The following WNK2 variants were observed in gnomAD, a reference collection of about 807,000 sequenced individuals.
The protein encoded by WNK2 is WNK lysine deficient protein kinase 2.
WNK2 carries 67 observed loss-of-function variants against 192.1 expected under a neutral mutation model. The observed-to-expected ratio is 0.35, with a 90% CI of 0.29 to 0.43. The LOEUF (loss-of-function observed/expected upper bound fraction) is 0.43. Among genes scored for constraint, WNK2 ranks in the 20% least tolerant of loss-of-function variants. WNK2 has a pLI of 1.00. For missense variants in WNK2, 2,698 were observed against 3,089.7 expected (o/e 0.87, Z 3.01); for synonymous variants, 1,439 against 1,393.9 (o/e 1.03, Z -0.72).
In WNK2 at chr9:93,267,862, C is replaced by T. The variant is rs369015814; in HGVS notation, c.3813C>T (p.Ser1271=). ...AGGACACAGACGCCGACCGTGGCTC[C>T]GACCCAGGGACCAGCCCGCCACACC... ...LSEDTDADRG[S]DPGTSPPHLS... The change falls in exon 17 of 30, where the codon TCC becomes TCT. Residue 1271 remains serine, a synonymous_variant. Transcript: ENST00000427277. 3.7e-5 allele frequency: 59 copies of T among 1,610,610 alleles called. No individual in the cohort carries two copies. In the African/African-American group the frequency reaches 6.1e-4, roughly 17 times the overall value.
chr9:93,231,507 C>T (rs1436986010), intron 4 of WNK2, among the ~76,000 whole-genome samples: 3 of 152,158 alleles, frequency 2.0e-5, no homozygotes, highest in Non-Finnish European at 4.4e-5. Flanking sequence ...ACTGTGGGCA[C>T]TCGGGAGAGG....
intron 29 of WNK2, chr9:93,318,073 G>T: frequency 6.2e-7 from 1 of 1,608,480 alleles, no homozygotes; most frequent in Non-Finnish European, 8.5e-7. Flanking sequence ...TCCTATACTT[G>T]AGTTGATGGT....
In WNK2 at chr9:93,252,965, C is replaced by T. The variant is rs556029303; in HGVS notation, c.1917C>T (p.Ser639=). The T allele has an allele frequency of 6.3e-7, 1 of 1,575,902 alleles. No individual in the cohort carries two copies. Among genetic ancestry groups the T allele is most frequent in the African/African-American group, 1.4e-5 (1 of 73,992 alleles). ...GCCAGCAGAGCGTGATGCTTGGCTCCCTTGCCGACGCAGCGCCGTCCCCGG... is the reference window on the plus strand; with the variant it reads ...GCCAGCAGAGCGTGATGCTTGGCTCTCTTGCCGACGCAGCGCCGTCCCCGG... ...QSSQQSVMLG[S]LADAAPSPAQ... The change falls in exon 9 of 30, where the codon TCC becomes TCT. Residue 639 remains serine (S), a synonymous_variant. Coordinates refer to ENST00000427277, the MANE Select transcript of WNK2 (RefSeq NM_006648.4).
At chr9:93,319,366 G>A in intron 29 of WNK2, 3 of 985,478 alleles carry the variant, frequency 3.0e-6, no homozygotes, top group Non-Finnish European at 3.6e-6. Context: ...GGGCTGGGCT[G>A]TCCCCGGCAG....
chr9:93,268,198 G>A (rs1329358529), intron 18 of WNK2, 133 bp downstream of exon 18: 3 of 1,235,644 alleles, frequency 2.4e-6, no homozygotes, highest in African/African-American at 1.5e-5. Context: ...CCCAGTCTGG[G>A]GACAGCTGCC....
At chr9:93,292,267 C>G (rs372198047) in intron 21 of WNK2, 41 bp from the exon 22 acceptor site, 124 of 1,607,738 alleles carry the variant, frequency 7.7e-5, no homozygotes, top group Non-Finnish European at 1.0e-4. Flanking sequence ...CTGCCTCTTC[C>G]TCCTCCTTCA....
intron 19 of WNK2, among the ~76,000 whole-genome samples, chr9:93,269,104 G>C (rs184900657): frequency 6.6e-6 from 1 of 152,028 alleles, no homozygotes; most frequent in Non-Finnish European, 1.5e-5. Flanking sequence ...CAGCAGACAC[G>C]CCTCTGCTGG....
intron 16 of WNK2, chr9:93,267,168 C>T (rs116689320): frequency 0.022 from 3,320 of 153,106 alleles, 117 homozygotes; most frequent in African/African-American, 0.076. Context: ...CATCAGGCCA[C>T]GCTTGCCTGT....
At chr9:93,266,091 C>T (rs1177773133) in intron 16 of WNK2, among the ~76,000 whole-genome samples, 1 of 152,220 alleles carries the variant, frequency 6.6e-6, no homozygotes, top group East Asian at 1.9e-4. Context: ...CCCAGCAGCC[C>T]TCCTCCTCAC....
At position 93,247,682 on chromosome 9, in the gene WNK2, C is replaced by G; in HGVS notation, c.1682C>G (p.Pro561Arg). 6.4e-7 allele frequency: 1 copy of G among 1,573,108 alleles called. No individual in the cohort carries two copies. The highest frequency in any genetic ancestry group is 8.6e-7 in the Non-Finnish European group (1 of 1,159,470). ...QPKEQQDVGS[P>R]DKARGPPVPL... ...AAGGAGCAGCAGGATGTGGGCAGCC[C>G]GGACAAGGCCAGGGGTCCGCCGGTG... Residue 561 changes from proline (P) to arginine (R), a missense_variant, in exon 8 of 30, where the codon CCG (proline) becomes CGG (arginine). Physicochemically the swap from Pro to Arg is moderately radical, Grantham distance 103. This residue lies in a region of WNK2 where 893 missense variants were observed against 909.0 expected (regional missense o/e 0.98). Transcript: ENST00000427277. The surrounding 1 kb of genome is among the most constrained non-coding windows in gnomAD (Gnocchi z 5.2).
chr9:93,253,037 G>C lies in WNK2; in HGVS notation c.1989G>C (p.Pro663=). 6.5e-7 allele frequency: 1 copy of C among 1,535,484 alleles called. No homozygotes were observed. The highest frequency in any genetic ancestry group is 8.8e-7 in the Non-Finnish European group (1 of 1,142,164). ...SPPVSEGPVL[P]QSLPSLGAYQ... Reference sequence around the variant, plus strand: ...CTGTGAGCGAGGGGCCCGTCCTGCCGCAGAGCCTGCCCTCGCTGGGGGCCT... The same window carrying C: ...CTGTGAGCGAGGGGCCCGTCCTGCCCCAGAGCCTGCCCTCGCTGGGGGCCT... The change falls in exon 9 of 30, where the codon CCG becomes CCC. Residue 663 remains proline, a synonymous_variant. Transcript: ENST00000427277.
At chr9:93,264,116 G>A (rs2133061447) in intron 16 of WNK2, 83 bp downstream of exon 16, 5 of 1,090,758 alleles carry the variant, frequency 4.6e-6, no homozygotes, top group Non-Finnish European at 6.8e-6. Flanking sequence ...GTCACATGTC[G>A]AGCCTGGCCT....
rs151270407 is a variant in WNK2, at chr9:93,297,980, C to T, written c.5836C>T (p.Arg1946Trp). 27 of 1,566,298 alleles carry T rather than the reference C, an allele frequency of 1.7e-5. No individual in the cohort carries two copies. The highest frequency in any genetic ancestry group is 1.7e-4 in the Middle Eastern group (1 of 6,030). ...FFHTAPPTGRRRKTSKSKLKA... is the reference protein window; with the variant it reads ...FFHTAPPTGRWRKTSKSKLKA... ...CCACACGGCACCCCCCACTGGCCGC[C>T]GGAGAAAAACCAGCAAGAGCAAGCT... is the stretch of plus-strand genomic sequence containing the variant. Residue 1946 changes from arginine to tryptophan, a missense_variant, in exon 24 of 30, where the codon CGG (arginine) becomes TGG (tryptophan). By Grantham distance (101) the Arg-to-Trp change is moderately radical. Transcript: ENST00000427277.
At chr9:93,313,383 A>G (rs1281742522) in intron 28 of WNK2, among the ~76,000 whole-genome samples, 1 of 143,588 alleles carries the variant, frequency 7.0e-6, no homozygotes, top group Non-Finnish European at 1.5e-5. Flanking sequence ...TTTTAACCGT[A>G]TCTCCTGTAT....
chr9:93,292,223 C>A, intron 21 of WNK2, 85 bp from the exon 22 acceptor site: 1 of 1,452,602 alleles, frequency 6.9e-7, no homozygotes, highest in Non-Finnish European at 9.6e-7. Context: ...CATGGGATCA[C>A]TTTGGGCTGC....
At chr9:93,319,043 G>T in intron 29 of WNK2, 1 of 1,563,430 alleles carries the variant, frequency 6.4e-7, no homozygotes, top group South Asian at 1.2e-5. Flanking sequence ...AGAGATTTCT[G>T]TTCTCTGTAC....
At chr9:93,320,227 AT>A (rs1855296413) in intron 29 of WNK2, 139 bp from the exon 30 acceptor site, 1 of 886,750 alleles carries the variant, frequency 1.1e-6, no homozygotes, top group African/African-American at 1.7e-5. Context: ...GGACAAGACC[AT>A]CTACACAGGG....
At chr9:93,252,856 T>TCG in intron 8 of WNK2, 27 bp from the exon 9 acceptor site, 1 of 1,388,900 alleles carries the variant, frequency 7.2e-7, no homozygotes, top group South Asian at 1.7e-5. Context: ...AGATGTCCAC[T>TCG]CTAAGTCCTG....
intron 16 of WNK2, 135 bp from the exon 17 acceptor site, chr9:93,267,611 T>C: frequency 9.6e-7 from 1 of 1,040,496 alleles, no homozygotes; most frequent in Non-Finnish European, 1.4e-6. Flanking sequence ...GTCCAGCCCC[T>C]GTCTTGGGGA....
Sources: gnomAD v4.1 joint callset for allele counts (sites outside exome capture counted in the v4.1 genomes callset) on GRCh38, gnomAD v4.1.1 for gene constraint, gnomAD v4.1.1 regional missense constraint, Gnocchi (gnomAD v3.1) non-coding constraint, MANE v1.5 for transcripts, NCBI Gene and HGNC (gene_info 2026-07-23, HGNC 2026-07-21) for gene names.